KLF16: variants seen among roughly 807,000 people sequenced by gnomAD.
KLF16 encodes the protein Krueppel-like factor 16.
In KLF16, 6 loss-of-function variants were observed where a neutral mutation model predicts 6.1. The observed-to-expected ratio is 0.98, with a 90% CI of 0.54 to 1.93. KLF16 has a LOEUF of 1.93. Ranked by LOEUF, KLF16 falls within the 30% of genes most tolerant of loss-of-function variation. KLF16 has a pLI of 0.01. For synonymous variants in KLF16, 211 were observed against 176.5 expected (o/e 1.20, Z -1.55); for missense variants, 355 against 363.8 (o/e 0.98, Z 0.20).
chr19:1,869,348 T>C, the KLF16 span, among the ~76,000 whole-genome samples: 1 of 152,054 alleles, frequency 6.6e-6, no homozygotes, highest in Admixed American at 6.6e-5. Context: ...GGTTTGGTGG[T>C]GGGCGCCTGT....
the KLF16 span, among the ~76,000 whole-genome samples, chr19:1,874,433 AC>A: frequency 6.6e-6 from 1 of 152,110 alleles, no homozygotes; most frequent in African/African-American, 2.4e-5. Flanking sequence ...TTTGCTTCCT[AC>A]CTTACTCCTT....
At chr19:1,874,247 A>C in the KLF16 span, among the ~76,000 whole-genome samples, 1 of 152,176 alleles carries the variant, frequency 6.6e-6, no homozygotes, top group Non-Finnish European at 1.5e-5. Flanking sequence ...AACGTGCAAA[A>C]TAATGCAAGG....
rs2011881479 is a variant in KLF16, at chr19:1,853,576, GCA to G, written c.*881_*882del. 1 of 152,492 alleles carries G rather than the reference GCA, an allele frequency of 6.6e-6. No individual in the cohort carries two copies. The highest frequency in any genetic ancestry group is 1.5e-5 in the Non-Finnish European group (1 of 68,094). The allele number at this position is 152,492 out of a possible 1,614,324, so 9.4% of individuals were successfully genotyped here. ...GGAGAGTTGATTGTCACGTGATACC[GCA>G]ACGGCCAAAGTCAGCAAGGCAGGGA... On this transcript the variant is annotated 3_prime_UTR_variant, in exon 2 of 2. Coordinates refer to ENST00000250916, the MANE Select transcript of KLF16 (RefSeq NM_031918.4).
At chr19:1,866,793 A>AG (rs386388352), upstream of KLF16, among the ~76,000 whole-genome samples, 1 of 151,238 alleles carries the variant, frequency 6.6e-6, no homozygotes, top group African/African-American at 2.4e-5. Flanking sequence ...AAAAAAAAAA[A>AG]AGGAGTTGTC....
At position 1,862,991 on chromosome 19, in the gene KLF16, G is replaced by A. The variant is rs773571488; in HGVS notation, c.457+50C>T. ...CAGTTTCGGGGTCCTGGCGGGGGAG[G>A]GGTCTCAGGCGGCCGCCCCCGCAAG... On this transcript the variant is annotated intron_variant, in intron 1 of 1. Transcript: ENST00000250916. 12 of 1,153,316 alleles carry A rather than the reference G, an allele frequency of 1.0e-5. No homozygotes were observed. The African/African-American group carries it at 1.8e-4, about 18-fold the overall frequency. The allele number at this position is 1,153,316 out of a possible 1,614,324, so 71.4% of individuals were successfully genotyped here.
chr19:1,868,788 A>G, the KLF16 span, among the ~76,000 whole-genome samples: 3,208 of 152,112 alleles, frequency 0.021, 58 homozygotes, highest in South Asian at 0.043. Context: ...GATTACAGGC[A>G]TATACCACCA....
At chr19:1,859,982 A>G (rs1246687876) in intron 1 of KLF16, among the ~76,000 whole-genome samples, 1 of 152,054 alleles carries the variant, frequency 6.6e-6, no homozygotes, top group Non-Finnish European at 1.5e-5. Flanking sequence ...CAGGCCCCAA[A>G]TGTCTCGGTA....
chr19:1,854,896 A>G lies in KLF16; in HGVS notation c.458-136T>C, dbSNP rs1599191252. Reference sequence around the variant, plus strand: ...AGGCTGAGCTCTGGTGTGAGTTCAAAACATGGAGAAGCACAAAGAATACAA... The same window carrying G: ...AGGCTGAGCTCTGGTGTGAGTTCAAGACATGGAGAAGCACAAAGAATACAA... On this transcript the variant is annotated intron_variant, in intron 1 of 1. Transcript: ENST00000250916. The G allele has an allele frequency of 1.8e-5, 16 of 903,192 alleles. No homozygotes were observed. In the East Asian group the frequency reaches 4.5e-4, roughly 25 times the overall value. 55.9% of individuals were successfully genotyped at this position (903,192 alleles called of 1,614,324 possible). A position where few individuals can be genotyped will look rare whatever the true frequency, so the allele number is the denominator to read the frequency against.
upstream of KLF16, among the ~76,000 whole-genome samples, chr19:1,867,468 G>C (rs773972800): frequency 6.6e-6 from 1 of 152,230 alleles, no homozygotes; most frequent in Non-Finnish European, 1.5e-5. Context: ...CCAGCTCTTC[G>C]GGAGGCCGAG....
At chr19:1,872,665 T>C in the KLF16 span, among the ~76,000 whole-genome samples, 2 of 152,108 alleles carry the variant, frequency 1.3e-5, no homozygotes, top group Non-Finnish European at 2.9e-5. Context: ...CGGGCAGATG[T>C]GTGTCCCGGG....
At chr19:1,867,442 G>C (rs944415583), upstream of KLF16, among the ~76,000 whole-genome samples, 1 of 152,270 alleles carries the variant, frequency 6.6e-6, no homozygotes, top group Non-Finnish European at 1.5e-5. Context: ...AGGCATGGTA[G>C]TGCACGCCTG....
Position 1,857,580 on chromosome 19 carries a change from C to A in KLF16, c.458-2820G>T, listed in dbSNP as rs1372136103. ...CCCGTCTGAGCCGGCACAGGAGGGG[C>A]CTGGAGACAGGACTGCGGGACTGTG... On this transcript the variant is annotated intron_variant, in intron 1 of 1. Transcript: ENST00000250916. The surrounding 1 kb of genome is among the most constrained non-coding windows in gnomAD (Gnocchi z 4.7). Among the ~76,000 whole-genome samples the A allele has an allele frequency of 6.6e-6, 1 of 152,148 alleles. No individual in the cohort carries two copies. Among genetic ancestry groups the A allele is most frequent in the African/African-American group, 2.4e-5 (1 of 41,440 alleles).
chr19:1,875,004 T>C, the KLF16 span: 5 of 152,198 alleles, frequency 3.3e-5, no homozygotes, highest in East Asian at 5.8e-4. Flanking sequence ...CGACTATACT[T>C]ACAGGAAACA....
At chr19:1,874,767 A>C in the KLF16 span, 4 of 147,908 alleles carry the variant, frequency 2.7e-5, no homozygotes, top group Non-Finnish European at 4.5e-5. Context: ...AAAAAAAAAA[A>C]AAAAAAAAAA....
rs946961126 is a variant in KLF16 at position 1,856,950 on chromosome 19, C to CGGG, written c.458-2193_458-2191dup. Among the ~76,000 whole-genome samples, 17 of 43,254 alleles carry CGGG rather than the reference C, an allele frequency of 3.9e-4. 3 individuals are homozygous for CGGG. The South Asian group carries it at 4.8e-3, about 12-fold the overall frequency. The allele number at this position is 43,254 out of a possible 152,430, so 28.4% of individuals were successfully genotyped here. On this transcript the variant is annotated intron_variant, in intron 1 of 1. Coordinates refer to ENST00000250916, the MANE Select transcript of KLF16 (RefSeq NM_031918.4). Reference sequence around the variant, plus strand: ...CACTTTGCAAGGAGGAGCAGGTTGCCGGGGTGGGGGGGGCGACCGGGGCAG... The same window carrying CGGG: ...CACTTTGCAAGGAGGAGCAGGTTGCCGGGGGGGTGGGGGGGGCGACCGGGGCAG...
At chr19:1,865,782 C>CA (rs1370870019), upstream of KLF16, among the ~76,000 whole-genome samples, 3 of 152,256 alleles carry the variant, frequency 2.0e-5, no homozygotes, top group Non-Finnish European at 4.4e-5. Flanking sequence ...AACACTCAGG[C>CA]AACCCATGAC....
chr19:1,867,825 C>T (rs1014495987), upstream of KLF16, among the ~76,000 whole-genome samples: 1 of 152,120 alleles, frequency 6.6e-6, no homozygotes, highest in Non-Finnish European at 1.5e-5. Context: ...CAAGATTGTA[C>T]TACTGCACTC....
chr19:1,856,957 G>GC lies in KLF16; in HGVS notation c.458-2198_458-2197insG, dbSNP rs1568732234. Among the ~76,000 whole-genome samples the GC allele has an allele frequency of 2.2e-5, 3 of 136,934 alleles. 1 individual carries two copies. The highest frequency in any genetic ancestry group is 9.2e-5 in the African/African-American group (3 of 32,474). 89.8% of individuals were successfully genotyped at this position (136,934 alleles called of 152,430 possible). On this transcript the variant is annotated intron_variant, in intron 1 of 1. Transcript: ENST00000250916. ...CAAGGAGGAGCAGGTTGCCGGGGTG[G>GC]GGGGGGCGACCGGGGCAGGGGCGCG...
chr19:1,867,920 G>A (rs1306156029), upstream of KLF16, among the ~76,000 whole-genome samples: 2 of 130,962 alleles, frequency 1.5e-5, no homozygotes, highest in Non-Finnish European at 1.6e-5. Flanking sequence ...GGGGTAATAT[G>A]TAAGGACGTG....
Sources: allele counts gnomAD v4.1 joint callset (sites outside exome capture counted in the v4.1 genomes callset), GRCh38; gene constraint gnomAD v4.1.1; non-coding constraint Gnocchi (gnomAD v3.1); transcripts MANE v1.5; gene names NCBI Gene and HGNC (gene_info 2026-07-23, HGNC 2026-07-21).